RABGAP1L: variants seen among roughly 807,000 people sequenced by gnomAD.
The protein encoded by RABGAP1L is RAB GTPase activating protein 1 like.
In RABGAP1L, 63 loss-of-function variants were observed where a neutral mutation model predicts 137.7. The ratio of observed to expected loss-of-function variants is 0.46; its 90% CI spans 0.37 to 0.56. The LOEUF (loss-of-function observed/expected upper bound fraction) is 0.56, where lower values mean the gene tolerates loss of function less well. RABGAP1L is among the 20% of genes least tolerant of loss of function. RABGAP1L has a pLI of 0.00. For missense variants in RABGAP1L, 1,095 were observed against 1,244.0 expected (o/e 0.88, Z 1.80); for synonymous variants, 431 against 433.7 (o/e 0.99, Z 0.08).
chr1:174,390,774 T>A lies in RABGAP1L; in HGVS notation c.1560-3221T>A, dbSNP rs547941050. 5.9e-5 allele frequency among the ~76,000 whole-genome samples: 9 copies of A among 152,230 alleles called. 1 individual carries two copies. The South Asian group carries it at 1.7e-3, about 28-fold the overall frequency. ...ATGGGGCAAAAATAATTCCTAGGTT[T>A]CCAGTTTGGATGGAGTGTGGTAACA... On this transcript the variant is annotated intron_variant, in intron 12 of 25. Coordinates refer to ENST00000681986, the MANE Select transcript of RABGAP1L (RefSeq NM_001366446.1).
At chr1:174,810,546 T>G (rs1442070633) in intron 18 of RABGAP1L, among the ~76,000 whole-genome samples, 1 of 152,226 alleles carries the variant, frequency 6.6e-6, no homozygotes, top group African/African-American at 2.4e-5. Context: ...AGCTTTACAT[T>G]TTAATTTAAA....
At chr1:174,428,733 AGTGTGTGTATTTTATCCAGTGTTGG>A (rs1288703504) in intron 13 of RABGAP1L, among the ~76,000 whole-genome samples, 4 of 152,088 alleles carry the variant, frequency 2.6e-5, no homozygotes, top group African/African-American at 4.8e-5. Flanking sequence ...ACCAGTGTTG[AGTGTGTGTATTTTATCCAGTGTTGG>A]GTGTGTGTAT....
chr1:174,336,857 G>A (rs1429168941), intron 11 of RABGAP1L, among the ~76,000 whole-genome samples: 1 of 116,112 alleles, frequency 8.6e-6, no homozygotes, highest in Non-Finnish European at 1.8e-5. Flanking sequence ...TTATAAATGT[G>A]TGTGTGTGTG....
intron 12 of RABGAP1L, among the ~76,000 whole-genome samples, chr1:174,380,373 C>G (rs142287688): frequency 6.6e-6 from 1 of 151,660 alleles, no homozygotes; most frequent in Non-Finnish European, 1.5e-5. Flanking sequence ...GTACCGGTTC[C>G]TCCTTGTACC....
intron 19 of RABGAP1L, among the ~76,000 whole-genome samples, chr1:174,895,962 A>T (rs1174693758): frequency 6.6e-6 from 1 of 152,224 alleles, no homozygotes; most frequent in African/African-American, 2.4e-5. Context: ...ATACCCAGTA[A>T]TGGGATGTCT....
In RABGAP1L at chr1:174,327,990, T is replaced by TAC. The variant is rs1680647893; in HGVS notation, c.1465+22864_1465+22865insCA. Reference sequence around the variant, plus strand: ...ATATATATATATATACACACACATATATATATATATATATATATATATATA... The same window carrying TAC: ...ATATATATATATATACACACACATATACATATATATATATATATATATATATA... On this transcript the variant is annotated intron_variant, in intron 11 of 25. Coordinates refer to ENST00000681986, the MANE Select transcript of RABGAP1L (RefSeq NM_001366446.1). Among the ~76,000 whole-genome samples, 47 of 36,360 alleles carry TAC rather than the reference T, an allele frequency of 1.3e-3. 2 individuals carry two copies. Among genetic ancestry groups the TAC allele is most frequent in the African/African-American group, 4.6e-3 (46 of 10,062 alleles). 23.9% of individuals were successfully genotyped at this position (36,360 alleles called of 152,430 possible).
chr1:174,762,654 T>G (rs937958657), intron 18 of RABGAP1L, among the ~76,000 whole-genome samples: 2 of 152,172 alleles, frequency 1.3e-5, no homozygotes. Flanking sequence ...GTATTGGAGT[T>G]GCTGGCACAT....
intron 14 of RABGAP1L, among the ~76,000 whole-genome samples, chr1:174,673,067 C>G (rs1677308469): frequency 6.6e-6 from 1 of 152,110 alleles, no homozygotes; most frequent in Admixed American, 6.6e-5. Flanking sequence ...CTAATACATA[C>G]ACACATAAGA....
chr1:174,266,897 T>C (rs527514332), intron 7 of RABGAP1L, among the ~76,000 whole-genome samples: 1 of 152,116 alleles, frequency 6.6e-6, no homozygotes, highest in Non-Finnish European at 1.5e-5. Flanking sequence ...CTTAGAAGAT[T>C]TTAAAATGGC....
chr1:174,175,417 C>T (rs1427646070), intron 1 of RABGAP1L, among the ~76,000 whole-genome samples: 1 of 151,962 alleles, frequency 6.6e-6, no homozygotes, highest in Non-Finnish European at 1.5e-5. Flanking sequence ...ATTCAGTTTT[C>T]CTCTTTGTTG....
chr1:174,748,711 A>G (rs1405142721), intron 17 of RABGAP1L, among the ~76,000 whole-genome samples: 2 of 151,928 alleles, frequency 1.3e-5, no homozygotes, highest in African/African-American at 4.8e-5. Context: ...TCTACCAAAA[A>G]AAAAGAAAAA....
At chr1:174,523,230 A>G (rs957709653) in intron 13 of RABGAP1L, among the ~76,000 whole-genome samples, 4 of 152,110 alleles carry the variant, frequency 2.6e-5, no homozygotes, top group African/African-American at 4.8e-5. Context: ...AATGAACACA[A>G]CTGTCAACAA....
intron 18 of RABGAP1L, among the ~76,000 whole-genome samples, chr1:174,795,380 G>A (rs1688170803): frequency 6.6e-6 from 1 of 152,112 alleles, no homozygotes; most frequent in Non-Finnish European, 1.5e-5. Flanking sequence ...AAATGGAGAG[G>A]AGATGGCACC....
rs144551450 is a variant in RABGAP1L at position 174,697,272 on chromosome 1, G to A, written c.1900-2253G>A. ...GGTAAGACATTTACTTAGAAAGAGA[G>A]AGACTTAAGTGAATTAGTATCTCTA... On this transcript the variant is annotated intron_variant, in intron 15 of 25. Coordinates refer to ENST00000681986, the MANE Select transcript of RABGAP1L (RefSeq NM_001366446.1). Among the ~76,000 whole-genome samples, 108 of 152,232 alleles carry A rather than the reference G, an allele frequency of 7.1e-4. 1 individual carries two copies. Among genetic ancestry groups the A allele is most frequent in the African/African-American group, 2.4e-3 (100 of 41,560 alleles).
intron 1 of RABGAP1L, among the ~76,000 whole-genome samples, chr1:174,176,741 A>AATAAAAAAAAAAAAAAAT (rs1553248316): frequency 8.9e-6 from 1 of 111,778 alleles, no homozygotes; most frequent in Non-Finnish European, 1.8e-5. Context: ...AAAAAAAAAA[A>AATAAAAAAAAAAAAAAAT]AAAAAGGTCA....
chr1:174,957,179 T>C (rs1668618500), intron 19 of RABGAP1L, among the ~76,000 whole-genome samples: 3 of 152,214 alleles, frequency 2.0e-5, no homozygotes, highest in African/African-American at 7.2e-5. Flanking sequence ...ACAGCCAGGC[T>C]CATTTGTTTA....
intron 1 of RABGAP1L, among the ~76,000 whole-genome samples, chr1:174,204,269 C>G (rs183456652): frequency 1.3e-5 from 2 of 152,140 alleles, no homozygotes; most frequent in Admixed American, 6.5e-5. Flanking sequence ...GATTTTGTAT[C>G]CTGAAACTTT....
Position 174,605,783 on chromosome 1 carries a change from A to C in RABGAP1L, c.1711-31592A>C, listed in dbSNP as rs144496073. On this transcript the variant is annotated intron_variant, in intron 13 of 25. Coordinates refer to ENST00000681986, the MANE Select transcript of RABGAP1L (RefSeq NM_001366446.1). ...ACAAACAAGATAATTTTGTTCTTGCAAATTGATATGGATGGACTGCCACTG... is the reference window on the plus strand; with the variant it reads ...ACAAACAAGATAATTTTGTTCTTGCCAATTGATATGGATGGACTGCCACTG... Among the ~76,000 whole-genome samples the C allele has an allele frequency of 7.2e-4, 109 of 152,348 alleles. 1 individual carries two copies. Among genetic ancestry groups the C allele is most frequent in the African/African-American group, 2.4e-3 (101 of 41,572 alleles).
intron 19 of RABGAP1L, among the ~76,000 whole-genome samples, chr1:174,863,303 A>C (rs1248190648): frequency 2.6e-5 from 4 of 151,178 alleles, no homozygotes; most frequent in African/African-American, 9.7e-5. Context: ...CCTCTTAGTA[A>C]CATTGCTGTA....
Sources: gnomAD v4.1 joint callset for allele counts (sites outside exome capture counted in the v4.1 genomes callset) on GRCh38, gnomAD v4.1.1 for gene constraint, MANE v1.5 for transcripts, NCBI Gene and HGNC (gene_info 2026-07-23, HGNC 2026-07-21) for gene names.